PDE4B: variants seen among roughly 807,000 people sequenced by gnomAD.
PDE4B encodes phosphodiesterase 4B, also known as 3',5'-cyclic-AMP phosphodiesterase 4B.
A neutral mutation model predicts 82.2 loss-of-function variants in PDE4B; 20 were observed. The observed-to-expected ratio is 0.24, with a 90% CI of 0.17 to 0.35. The LOEUF is 0.35. Among genes scored for constraint, PDE4B ranks in the 10% least tolerant of loss-of-function variants. The pLI is 1.00. For missense variants in PDE4B, 655 were observed against 907.2 expected (o/e 0.72, Z 3.57); for synonymous variants, 320 against 318.9 (o/e 1.00, Z -0.04).
chr1:66,248,655 G>A (rs181254297), intron 4 of PDE4B, among the ~76,000 whole-genome samples: 5 of 152,318 alleles, frequency 3.3e-5, no homozygotes, highest in Non-Finnish European at 4.4e-5. Flanking sequence ...GCCACACATT[G>A]TGTCAATCTC....
At chr1:66,144,030 C>G (rs1055910814) in intron 3 of PDE4B, among the ~76,000 whole-genome samples, 12 of 152,202 alleles carry the variant, frequency 7.9e-5, no homozygotes, top group African/African-American at 2.7e-4. Context: ...CAGGTTTCTG[C>G]TAGAGCAGCT....
intron 7 of PDE4B, among the ~76,000 whole-genome samples, chr1:66,268,667 C>CAAAAAAAAAAAAAAAAAAAAAAAAA (rs36046564): frequency 3.3e-5 from 2 of 61,236 alleles, no homozygotes; most frequent in Non-Finnish European, 5.6e-5. Context: ...GACTCCATCT[C>CAAAAAAAAAAAAAAAAAAAAAAAAA]AAAAAAAAAA....
intron 4 of PDE4B, among the ~76,000 whole-genome samples, chr1:66,255,868 T>G (rs1192681429): frequency 6.6e-6 from 1 of 152,158 alleles, no homozygotes; most frequent in Non-Finnish European, 1.5e-5. Flanking sequence ...CAGCAAGTCA[T>G]AAAATAGGAA....
chr1:66,333,841 C>A (rs184918084), intron 8 of PDE4B, among the ~76,000 whole-genome samples: 2 of 151,894 alleles, frequency 1.3e-5, no homozygotes, highest in Non-Finnish European at 2.9e-5. Context: ...AAAAATAAGT[C>A]CCTTTCTAAA....
intron 3 of PDE4B, among the ~76,000 whole-genome samples, chr1:66,151,060 A>T (rs1646383132): frequency 1.3e-5 from 2 of 152,206 alleles, no homozygotes; most frequent in Non-Finnish European, 2.9e-5. Context: ...AATGAGTTGG[A>T]AAGTGTTTCC....
At chr1:65,914,859 A>G (rs1229202994) in intron 2 of PDE4B, among the ~76,000 whole-genome samples, 1 of 152,154 alleles carries the variant, frequency 6.6e-6, no homozygotes, top group Admixed American at 6.6e-5. Context: ...TATTGAATAA[A>G]TATTACCTAG....
chr1:65,819,899 A>G (rs974374238), intron 1 of PDE4B, among the ~76,000 whole-genome samples: 1 of 152,210 alleles, frequency 6.6e-6, no homozygotes, highest in African/African-American at 2.4e-5. Flanking sequence ...GATTCCACCA[A>G]TGTATAGCTC....
At chr1:66,068,666 A>T (rs1655995134) in intron 3 of PDE4B, among the ~76,000 whole-genome samples, 1 of 152,014 alleles carries the variant, frequency 6.6e-6, no homozygotes, top group South Asian at 2.1e-4. Flanking sequence ...TTCTCATTTA[A>T]ATATAATCGC....
At chr1:66,210,335 C>T (rs989933070) in intron 3 of PDE4B, among the ~76,000 whole-genome samples, 10 of 152,024 alleles carry the variant, frequency 6.6e-5, no homozygotes, top group Admixed American at 1.3e-4. Flanking sequence ...TAGTGGCTCA[C>T]GCCTGTAATC....
chr1:65,865,748 C>A, intron 1 of PDE4B, among the ~76,000 whole-genome samples: 1 of 152,248 alleles, frequency 6.6e-6, no homozygotes, highest in Admixed American at 6.5e-5. Flanking sequence ...GAACTGGGTA[C>A]CTCAGTTGGA....
intron 3 of PDE4B, among the ~76,000 whole-genome samples, chr1:66,129,673 C>T: frequency 2.8e-5 from 1 of 35,892 alleles, no homozygotes; most frequent in South Asian, 6.2e-4. Flanking sequence ...AAAAAAAAAA[C>T]AAAAAAACAA....
chr1:65,947,105 T>C (rs528911408), intron 3 of PDE4B, among the ~76,000 whole-genome samples: 103 of 152,008 alleles, frequency 6.8e-4, no homozygotes, highest in Non-Finnish European at 1.3e-3. Flanking sequence ...CTCAATATAG[T>C]GGACCAGTGT....
intron 8 of PDE4B, chr1:66,355,213 A>G: frequency 5.6e-6 from 2 of 355,644 alleles, no homozygotes; most frequent in Non-Finnish European, 1.0e-5. Flanking sequence ...GTAATTTCAG[A>G]CAAATGTATT....
intron 3 of PDE4B, among the ~76,000 whole-genome samples, chr1:66,107,380 TG>T (rs763086150): frequency 9.9e-5 from 15 of 151,992 alleles, no homozygotes; most frequent in Non-Finnish European, 2.2e-4. Flanking sequence ...TTAATGAACT[TG>T]GGTTGTTGAT....
At chr1:66,035,409 G>A (rs2455034) in intron 3 of PDE4B, among the ~76,000 whole-genome samples, 135,516 of 152,172 alleles carry the variant, frequency 0.89, 60,804 homozygotes, top group Non-Finnish European at 0.94. Flanking sequence ...CCTGTGCAAT[G>A]GAACACCAGA....
intron 3 of PDE4B, among the ~76,000 whole-genome samples, chr1:66,055,769 C>T (rs1655259809): frequency 6.6e-6 from 1 of 152,006 alleles, no homozygotes; most frequent in Non-Finnish European, 1.5e-5. Flanking sequence ...TTAATGTTAA[C>T]AGTAGATAAC....
chr1:66,332,125 AC>A, intron 7 of PDE4B: 2 of 1,295,134 alleles, frequency 1.5e-6, no homozygotes, highest in Non-Finnish European at 2.0e-6. Flanking sequence ...ACCCTAAAGA[AC>A]CCTGGGATGA....
At chr1:65,957,949 C>A (rs548906609) in intron 3 of PDE4B, among the ~76,000 whole-genome samples, 2 of 152,128 alleles carry the variant, frequency 1.3e-5, no homozygotes, top group Non-Finnish European at 2.9e-5. Flanking sequence ...CCATTTTCTG[C>A]AAATATTAAC....
chr1:66,008,680 T>C (rs1377964521), intron 3 of PDE4B, among the ~76,000 whole-genome samples: 1 of 152,136 alleles, frequency 6.6e-6, no homozygotes, highest in Non-Finnish European at 1.5e-5. Flanking sequence ...CCTCCAGTCA[T>C]CTTCTGGAAA....
Sources: allele counts gnomAD v4.1 joint callset (sites outside exome capture counted in the v4.1 genomes callset), GRCh38; gene constraint gnomAD v4.1.1; transcripts MANE v1.5; gene names NCBI Gene and HGNC (gene_info 2026-07-23, HGNC 2026-07-21).